Variants in ARMH3 observed in about 807,000 individuals in gnomAD.
The protein encoded by ARMH3 is armadillo-like helical domain-containing protein 3.
In ARMH3, 60 loss-of-function variants were observed where a neutral mutation model predicts 99.1. The observed-to-expected ratio is 0.61, with a 90% CI of 0.49 to 0.75. ARMH3 has a LOEUF of 0.75. Ranked by LOEUF, ARMH3 falls within the 30% of genes least tolerant of loss-of-function variation. ARMH3 has a pLI of 0.00. For missense variants in ARMH3, 679 were observed against 843.1 expected (o/e 0.81, Z 2.41); for synonymous variants, 285 against 292.8 (o/e 0.97, Z 0.27).
chr10:101,988,944 A>G (rs1387165062), intron 19 of ARMH3, among the ~76,000 whole-genome samples: 2 of 150,214 alleles, frequency 1.3e-5, no homozygotes, highest in East Asian at 3.9e-4. Flanking sequence ...AAAAAAAAAA[A>G]AGCAAGCTAG....
Position 102,001,978 on chromosome 10 carries a change from G to C in ARMH3, c.1143C>G (p.Asp381Glu). Residue 381 changes from aspartate to glutamate, a missense_variant, in exon 15 of 26, where the codon GAC becomes GAG. By Grantham distance (45) the Asp-to-Glu change is conservative. Coordinates refer to ENST00000370033, the MANE Select transcript of ARMH3 (RefSeq NM_024541.3). ...AAAATAGCTATGGCTTACCTTTGGT[G>C]TCCTGCATGACAATTGAGCTATACT... ...FLKYSSIVMQ[D>E]TKDEHRLHSG... 1.2e-6 allele frequency: 2 copies of C among 1,614,056 alleles called. No homozygotes were observed. Among genetic ancestry groups the C allele is most frequent in the Non-Finnish European group, 1.7e-6 (2 of 1,179,946 alleles).
At position 101,889,448 on chromosome 10, in the gene ARMH3, A is replaced by G. The variant is rs1361985803; in HGVS notation, c.1824T>C (p.Ala608=). The change falls in exon 24 of 26, where the codon GCT becomes GCC. Residue 608 remains alanine (A), a synonymous_variant. Transcript: ENST00000370033. ...NHFNPKIESY[A]AVNHISQLSE... is the part of the protein sequence containing the mutation. ...ACAGTTGGGATATGTGATTCACAGC[A>G]GCGTAGGACTCAATTTTGGGGTTAA... The G allele has an allele frequency of 6.2e-7, 1 of 1,614,108 alleles. No homozygotes were observed. Among genetic ancestry groups the G allele is most frequent in the Admixed American group, 1.7e-5 (1 of 60,026 alleles).
At chr10:101,880,236 A>G (rs2067378374) in intron 24 of ARMH3, among the ~76,000 whole-genome samples, 1 of 152,212 alleles carries the variant, frequency 6.6e-6, no homozygotes, top group Admixed American at 6.5e-5. Flanking sequence ...TCAGCTCTTC[A>G]GCACATGTCT....
chr10:101,879,267 T>A (rs181123519), intron 24 of ARMH3, among the ~76,000 whole-genome samples: 139 of 152,302 alleles, frequency 9.1e-4, no homozygotes, highest in Non-Finnish European at 1.5e-3. Flanking sequence ...CACTAATAGC[T>A]GTGTGACCCT....
intron 24 of ARMH3, among the ~76,000 whole-genome samples, chr10:101,886,859 C>T (rs1589967331): frequency 6.6e-6 from 1 of 152,254 alleles, no homozygotes; most frequent in Admixed American, 6.5e-5. Flanking sequence ...GTAACAAATT[C>T]CATTTAACAT....
intron 18 of ARMH3, 58 bp from the exon 19 acceptor site, chr10:101,990,669 T>C: frequency 7.0e-7 from 1 of 1,436,452 alleles, no homozygotes; most frequent in Non-Finnish European, 9.8e-7. Context: ...TTCTTGTCTT[T>C]GAGTTGGAAA....
chr10:101,940,901 C>T (rs911577319), intron 22 of ARMH3, among the ~76,000 whole-genome samples: 5 of 152,184 alleles, frequency 3.3e-5, no homozygotes, highest in Non-Finnish European at 7.3e-5. Flanking sequence ...GACAAAACAG[C>T]ACAAGTGCTC....
At chr10:102,043,402 TA>T (rs1564880527) in intron 1 of ARMH3, among the ~76,000 whole-genome samples, 1 of 152,074 alleles carries the variant, frequency 6.6e-6, no homozygotes, top group African/African-American at 2.4e-5. Context: ...CACAAATATA[TA>T]AAAAGCACCT....
In ARMH3 at chr10:101,849,795, G is replaced by A. The variant is rs1454472679; in HGVS notation, c.1958C>T (p.Ala653Val). Residue 653 changes from alanine to valine, a missense_variant, in exon 25 of 26, where the codon GCT becomes GTT. Ala to Val is a moderately conservative substitution (Grantham distance 64, BLOSUM62 0). This residue lies in a region of ARMH3 where 389 missense variants were observed against 456.5 expected (regional missense o/e 0.85). Coordinates refer to ENST00000370033, the MANE Select transcript of ARMH3 (RefSeq NM_024541.3). ...YERYSEQHKEAAFFKELVRSI... is the reference protein window; with the variant it reads ...YERYSEQHKEVAFFKELVRSI... ...ACTCACCAGCTCTTTGAAGAAGGCA[G>A]CTTCCTTGTGCTGCTCTGAGTAGCG... 2 of 1,614,100 alleles carry A rather than the reference G, an allele frequency of 1.2e-6. No homozygotes were observed. Among genetic ancestry groups the A allele is most frequent in the Non-Finnish European group, 8.5e-7 (1 of 1,179,966 alleles).
intron 1 of ARMH3, among the ~76,000 whole-genome samples, chr10:102,052,751 A>T (rs914013779): frequency 1.3e-5 from 2 of 151,296 alleles, no homozygotes; most frequent in African/African-American, 4.9e-5. Flanking sequence ...TAAAATAAAC[A>T]TTTTTTTTTC....
At chr10:101,916,008 G>A (rs962559445) in intron 23 of ARMH3, among the ~76,000 whole-genome samples, 2 of 151,992 alleles carry the variant, frequency 1.3e-5, no homozygotes, top group Non-Finnish European at 2.9e-5. Context: ...GTTTCACCGT[G>A]TTAGCGAGGA....
chr10:102,014,434 T>C (rs1158071614), intron 8 of ARMH3, among the ~76,000 whole-genome samples: 2 of 152,242 alleles, frequency 1.3e-5, no homozygotes, highest in Non-Finnish European at 2.9e-5. Flanking sequence ...TAAAAGCTTC[T>C]TGCCATAAGG....
At chr10:102,042,934 T>C (rs2067458302) in intron 1 of ARMH3, among the ~76,000 whole-genome samples, 1 of 152,118 alleles carries the variant, frequency 6.6e-6, no homozygotes, top group South Asian at 2.1e-4. Context: ...TAGCCAGGCA[T>C]GATGGCTCAT....
intron 2 of ARMH3, among the ~76,000 whole-genome samples, chr10:102,036,308 C>G (rs2067269567): frequency 6.6e-6 from 1 of 151,658 alleles, no homozygotes; most frequent in Non-Finnish European, 1.5e-5. Context: ...GGGGGCGCCT[C>G]TGCCCGGCCG....
At chr10:101,907,603 C>T (rs934965491) in intron 23 of ARMH3, among the ~76,000 whole-genome samples, 2 of 152,070 alleles carry the variant, frequency 1.3e-5, no homozygotes, top group African/African-American at 2.4e-5. Context: ...AGGCTGGTCT[C>T]GAACTCCTGA....
rs779997939 is a variant in ARMH3 at position 102,029,558 on chromosome 10, G to C, written c.414+80C>G. The C allele has an allele frequency of 3.7e-6, 6 of 1,613,646 alleles. No individual in the cohort carries two copies. In the Admixed American group the frequency reaches 5.0e-5, roughly 13 times the overall value. ...TATCTTTCTGAGTCCAAATCTTTGA[G>C]TACATTTGTCTGCTGATAGTGTCCA... On this transcript the variant is annotated intron_variant, in intron 5 of 25. Transcript: ENST00000370033.
At chr10:101,854,935 G>A (rs543782728) in intron 24 of ARMH3, among the ~76,000 whole-genome samples, 26 of 136,812 alleles carry the variant, frequency 1.9e-4, no homozygotes, top group Non-Finnish European at 3.5e-4. Flanking sequence ...TCTTTCTGGT[G>A]ACAAGGAGTA....
At chr10:101,969,655 C>G (rs889316656) in intron 20 of ARMH3, among the ~76,000 whole-genome samples, 1 of 152,170 alleles carries the variant, frequency 6.6e-6, no homozygotes, top group African/African-American at 2.4e-5. Context: ...AGGCCATGTA[C>G]AATTTCTTTT....
At chr10:101,933,120 A>G (rs1843793430) in intron 23 of ARMH3, among the ~76,000 whole-genome samples, 1 of 152,210 alleles carries the variant, frequency 6.6e-6, no homozygotes, top group Admixed American at 6.5e-5. Context: ...CAGGAGGCGG[A>G]GCTTGCAGTG....
Sources: allele counts gnomAD v4.1 joint callset (sites outside exome capture counted in the v4.1 genomes callset), GRCh38; gene constraint gnomAD v4.1.1; regional missense constraint gnomAD v4.1.1; transcripts MANE v1.5; gene names NCBI Gene and HGNC (gene_info 2026-07-23, HGNC 2026-07-21).